SMYD3: variants seen among roughly 807,000 people sequenced by gnomAD.
SMYD3 encodes histone-lysine N-methyltransferase SMYD3.
Under a neutral mutation model 57.7 loss-of-function variants are expected in SMYD3, and 36 were observed. That is an observed-to-expected ratio of 0.62 (90% CI 0.48 to 0.82). The LOEUF is 0.82. SMYD3 is among the 40% of genes least tolerant of loss of function. SMYD3 has a pLI of 0.00. For missense variants in SMYD3, 515 were observed against 538.8 expected (o/e 0.96, Z 0.44); for synonymous variants, 211 against 195.0 (o/e 1.08, Z -0.68).
intron 5 of SMYD3, among the ~76,000 whole-genome samples, chr1:246,241,950 A>AT (rs1180030118): frequency 2.6e-5 from 4 of 151,908 alleles, no homozygotes; most frequent in Non-Finnish European, 5.9e-5. Flanking sequence ...CCCCTTTATC[A>AT]TTTTTTATTG....
At chr1:246,280,128 T>C (rs1162030811) in intron 5 of SMYD3, among the ~76,000 whole-genome samples, 1 of 152,190 alleles carries the variant, frequency 6.6e-6, no homozygotes, top group Non-Finnish European at 1.5e-5. Context: ...TGAGGTGATT[T>C]TATTTAAAGT....
chr1:246,134,064 C>T (rs1268199700), intron 5 of SMYD3, among the ~76,000 whole-genome samples: 1 of 152,098 alleles, frequency 6.6e-6, no homozygotes, highest in Non-Finnish European at 1.5e-5. Context: ...ACTAGTGAAC[C>T]TTCAGATAAG....
intron 8 of SMYD3, among the ~76,000 whole-genome samples, chr1:245,906,267 AATATAC>A (rs1291455669): frequency 6.6e-6 from 1 of 152,218 alleles, no homozygotes; most frequent in African/African-American, 2.4e-5. Flanking sequence ...TAATCACCAG[AATATAC>A]AAAGAGCTCA....
At chr1:246,409,801 C>T (rs897733672) in intron 1 of SMYD3, among the ~76,000 whole-genome samples, 7 of 152,152 alleles carry the variant, frequency 4.6e-5, no homozygotes, top group Non-Finnish European at 7.4e-5. Context: ...ATTCTTCCTA[C>T]CCATGAGCAT....
chr1:246,455,439 T>C lies in SMYD3; in HGVS notation c.164+51615A>G, dbSNP rs555048095. ...TGAGAAATTTTATTTACACAAAATCTATTACACAAAGCAAGATATAACCAG... is the reference window on the plus strand; with the variant it reads ...TGAGAAATTTTATTTACACAAAATCCATTACACAAAGCAAGATATAACCAG... On this transcript the variant is annotated intron_variant, in intron 1 of 11. Coordinates refer to ENST00000490107, the MANE Select transcript of SMYD3 (RefSeq NM_001167740.2). Among the ~76,000 whole-genome samples the C allele has an allele frequency of 3.7e-4, 57 of 152,332 alleles. 1 individual carries two copies. The highest frequency in any genetic ancestry group is 1.3e-3 in the African/African-American group (53 of 41,578).
chr1:246,293,589 G>A (rs1310668194), intron 5 of SMYD3, among the ~76,000 whole-genome samples: 1 of 152,014 alleles, frequency 6.6e-6, no homozygotes, highest in East Asian at 1.9e-4. Context: ...CCCTCCCCCG[G>A]CACAGTGGAA....
chr1:245,887,365 C>T (rs547814586), intron 8 of SMYD3, among the ~76,000 whole-genome samples: 4 of 152,276 alleles, frequency 2.6e-5, no homozygotes, highest in African/African-American at 9.6e-5. Context: ...TTTAGCATAT[C>T]ATCAAGAAAT....
chr1:246,301,718 C>T (rs1485979888), intron 5 of SMYD3, among the ~76,000 whole-genome samples: 1 of 152,126 alleles, frequency 6.6e-6, no homozygotes, highest in Admixed American at 6.6e-5. Flanking sequence ...TCCCCAAGGG[C>T]AACTGATGTG....
chr1:246,238,709 A>G (rs1428029299), intron 5 of SMYD3, among the ~76,000 whole-genome samples: 1 of 152,012 alleles, frequency 6.6e-6, no homozygotes, highest in African/African-American at 2.4e-5. Flanking sequence ...TCTTTCTTGG[A>G]TTCTTCTACC....
chr1:245,786,217 G>GGGGC (rs1553321392), intron 10 of SMYD3, among the ~76,000 whole-genome samples: 2 of 148,140 alleles, frequency 1.4e-5, no homozygotes, highest in Admixed American at 6.8e-5. Context: ...TGTGGACGGG[G>GGGGC]GGGGGATGGT....
intron 5 of SMYD3, among the ~76,000 whole-genome samples, chr1:245,966,184 C>G (rs2058142473): frequency 6.6e-6 from 1 of 151,914 alleles, no homozygotes; most frequent in Non-Finnish European, 1.5e-5. Flanking sequence ...CTCTCTCTTT[C>G]TTTTAGAGAC....
At chr1:246,263,083 G>A (rs1482485794) in intron 5 of SMYD3, among the ~76,000 whole-genome samples, 3 of 152,116 alleles carry the variant, frequency 2.0e-5, no homozygotes, top group East Asian at 1.9e-4. Context: ...TCCAATGTTG[G>A]TACATGTACT....
chr1:245,843,336 C>T (rs966194964), intron 10 of SMYD3, among the ~76,000 whole-genome samples: 4 of 152,136 alleles, frequency 2.6e-5, no homozygotes, highest in African/African-American at 9.7e-5. Context: ...TTTAAGAAGG[C>T]AGCTGCTACC....
At chr1:246,089,061 G>A (rs1463214439) in intron 5 of SMYD3, among the ~76,000 whole-genome samples, 1 of 152,018 alleles carries the variant, frequency 6.6e-6, no homozygotes, top group African/African-American at 2.4e-5. Context: ...ACGGCTCACT[G>A]TGGCCTCCTG....
chr1:246,002,233 G>A (rs1454065289), intron 5 of SMYD3, among the ~76,000 whole-genome samples: 2 of 148,120 alleles, frequency 1.4e-5, no homozygotes, highest in South Asian at 2.2e-4. Flanking sequence ...CACCCAGGCT[G>A]GAGTGCTGTG....
At chr1:246,017,461 T>C (rs1162851204) in intron 5 of SMYD3, among the ~76,000 whole-genome samples, 1 of 152,200 alleles carries the variant, frequency 6.6e-6, no homozygotes, top group Non-Finnish European at 1.5e-5. Context: ...TTTCATGAGC[T>C]TGACACTTTT....
chr1:245,886,827 T>G (rs566270450), intron 8 of SMYD3, among the ~76,000 whole-genome samples: 1 of 152,266 alleles, frequency 6.6e-6, no homozygotes, highest in South Asian at 2.1e-4. Context: ...ACCTCACTGT[T>G]CTAACAATGA....
At chr1:245,806,684 G>C (rs995345861) in intron 10 of SMYD3, among the ~76,000 whole-genome samples, 2 of 152,002 alleles carry the variant, frequency 1.3e-5, no homozygotes, top group Non-Finnish European at 1.5e-5. Context: ...GCCGAGGCGG[G>C]TGGATCATGA....
At chr1:245,818,333 C>T (rs572330276) in intron 10 of SMYD3, among the ~76,000 whole-genome samples, 54 of 151,910 alleles carry the variant, frequency 3.6e-4, no homozygotes, top group African/African-American at 1.3e-3. Context: ...ACTTTACAGA[C>T]AAGCAAATGC....
Sources: allele counts gnomAD v4.1 joint callset (sites outside exome capture counted in the v4.1 genomes callset), GRCh38; gene constraint gnomAD v4.1.1; transcripts MANE v1.5; gene names NCBI Gene and HGNC (gene_info 2026-07-23, HGNC 2026-07-21).